Variants in SLC30A7 observed in about 807,000 individuals in gnomAD.
The protein encoded by SLC30A7 is solute carrier family 30 member 7.
Under a neutral mutation model 46.0 loss-of-function variants are expected in SLC30A7, and 35 were observed. The ratio of observed to expected loss-of-function variants is 0.76; its 90% CI spans 0.58 to 1.01. The LOEUF is 1.01. Among genes scored for constraint, SLC30A7 ranks in the 50% least tolerant of loss-of-function variants. The probability of loss-of-function intolerance (pLI) is 0.00; values close to 1 mark genes in which losing one functional copy is unlikely to be tolerated. For missense variants in SLC30A7, 464 were observed against 451.1 expected (o/e 1.03, Z -0.26); for synonymous variants, 147 against 157.8 (o/e 0.93, Z 0.51).
At chr1:100,896,494 T>C in intron 1 of SLC30A7, 76 bp from the exon 2 acceptor site, 1 of 1,467,942 alleles carries the variant, frequency 6.8e-7, no homozygotes. Context: ...GGGAGGGTCT[T>C]GAAGAGGGTA....
At chr1:100,956,041 A>G (rs540121453) in intron 8 of SLC30A7, among the ~76,000 whole-genome samples, 30 of 152,178 alleles carry the variant, frequency 2.0e-4, no homozygotes, top group Non-Finnish European at 3.2e-4. Flanking sequence ...TAAAAAGACA[A>G]CCATTCCAAA....
downstream of SLC30A7, among the ~76,000 whole-genome samples, chr1:100,983,891 C>A (rs781644525): frequency 6.6e-6 from 1 of 152,156 alleles, no homozygotes; most frequent in Non-Finnish European, 1.5e-5. Flanking sequence ...TCTGATTAGC[C>A]GTCGCTGTCT....
chr1:100,913,981 A>G (rs901405124), intron 6 of SLC30A7, among the ~76,000 whole-genome samples, 175 bp downstream of exon 6: 3 of 152,250 alleles, frequency 2.0e-5, no homozygotes, highest in African/African-American at 7.2e-5. Context: ...AAATTAACTC[A>G]GTATAAGGCA....
At chr1:100,951,150 AG>A (rs1558000864) in intron 8 of SLC30A7, among the ~76,000 whole-genome samples, 1 of 152,186 alleles carries the variant, frequency 6.6e-6, no homozygotes, top group Non-Finnish European at 1.5e-5. Flanking sequence ...ATGCAAAGCA[AG>A]CTTTGGGGTT....
At chr1:100,912,995 A>G (rs1407962425) in intron 5 of SLC30A7, among the ~76,000 whole-genome samples, 1 of 151,988 alleles carries the variant, frequency 6.6e-6, no homozygotes, top group African/African-American at 2.4e-5. Flanking sequence ...TGGTATTTAG[A>G]ATTTTTGTAA....
chr1:100,910,206 C>A (rs1651996102), intron 3 of SLC30A7, among the ~76,000 whole-genome samples: 1 of 151,970 alleles, frequency 6.6e-6, no homozygotes, highest in African/African-American at 2.4e-5. Context: ...AGTTTTGATG[C>A]TCTCATTATA....
chr1:100,950,372 T>G (rs1304411713), intron 8 of SLC30A7, among the ~76,000 whole-genome samples: 1 of 152,230 alleles, frequency 6.6e-6, no homozygotes, highest in African/African-American at 2.4e-5. Flanking sequence ...TTTTAGGTAA[T>G]CAGTTAAATA....
chr1:100,965,391 C>T (rs79211588), intron 9 of SLC30A7, among the ~76,000 whole-genome samples: 3,607 of 152,204 alleles, frequency 0.024, 135 homozygotes, highest in African/African-American at 0.079. Flanking sequence ...ATGTTTCATC[C>T]GTATTTTCTG....
intron 10 of SLC30A7, among the ~76,000 whole-genome samples, chr1:100,972,836 A>G (rs929105589): frequency 3.9e-5 from 6 of 152,060 alleles, no homozygotes; most frequent in Non-Finnish European, 5.9e-5. Context: ...ATATCTGTCA[A>G]ATATTGGATG....
intron 6 of SLC30A7, among the ~76,000 whole-genome samples, chr1:100,914,722 G>A (rs757131470): frequency 2.0e-5 from 3 of 152,096 alleles, no homozygotes; most frequent in Non-Finnish European, 4.4e-5. Context: ...GTATTATCTT[G>A]TATTTGCAAC....
chr1:100,983,276 TTAC>T (rs1268436476), downstream of SLC30A7, among the ~76,000 whole-genome samples: 1 of 151,622 alleles, frequency 6.6e-6, no homozygotes, highest in Non-Finnish European at 1.5e-5. Flanking sequence ...TGACAGCAAT[TTAC>T]TACTTTTTTT....
At chr1:100,918,263 T>C in intron 7 of SLC30A7, 136 bp downstream of exon 7, 2 of 628,676 alleles carry the variant, frequency 3.2e-6, no homozygotes, top group South Asian at 2.3e-5. Flanking sequence ...TTTCTAGTGA[T>C]TGTTTTTTAT....
intron 10 of SLC30A7, among the ~76,000 whole-genome samples, chr1:100,967,831 A>T (rs1183160132): frequency 1.3e-5 from 2 of 152,152 alleles, no homozygotes; most frequent in Admixed American, 1.3e-4. Flanking sequence ...TGGACTGGGG[A>T]AAAAAAGCAA....
At chr1:100,959,836 A>T (rs911668587) in intron 8 of SLC30A7, among the ~76,000 whole-genome samples, 30 of 152,208 alleles carry the variant, frequency 2.0e-4, no homozygotes, top group Non-Finnish European at 1.0e-4. Flanking sequence ...GCCATCACTG[A>T]AGCTGCCTGT....
chr1:100,941,414 A>G, intron 8 of SLC30A7: 2 of 410,160 alleles, frequency 4.9e-6, no homozygotes, highest in South Asian at 2.0e-5. Flanking sequence ...AGCACTAGGC[A>G]TCTCTTGATT....
intron 2 of SLC30A7, among the ~76,000 whole-genome samples, chr1:100,897,817 T>C (rs1651062035): frequency 6.6e-6 from 1 of 152,230 alleles, no homozygotes; most frequent in Non-Finnish European, 1.5e-5. Flanking sequence ...ATTGGCACAA[T>C]GAAATCTTAA....
intron 4 of SLC30A7, 75 bp downstream of exon 4, chr1:100,911,225 A>G (rs1652072684): frequency 9.7e-7 from 1 of 1,035,898 alleles, no homozygotes; most frequent in East Asian, 2.7e-5. Context: ...AGATATATGT[A>G]AGTTTTTTTC....
intron 3 of SLC30A7, among the ~76,000 whole-genome samples, chr1:100,909,980 T>TA (rs779413689): frequency 6.7e-6 from 1 of 150,306 alleles, no homozygotes; most frequent in Non-Finnish European, 1.5e-5. Flanking sequence ...GAAAAAAAAA[T>TA]ATGTTTTGAC....
At chr1:100,915,095 C>G (rs1228794063) in intron 6 of SLC30A7, among the ~76,000 whole-genome samples, 1 of 100,072 alleles carries the variant, frequency 1.0e-5, no homozygotes, top group African/African-American at 4.0e-5. Flanking sequence ...AAAGTTTCCT[C>G]CTACTCTCAA....
Sources: gnomAD v4.1 joint callset for allele counts (sites outside exome capture counted in the v4.1 genomes callset) on GRCh38, gnomAD v4.1.1 for gene constraint, MANE v1.5 for transcripts, NCBI Gene and HGNC (gene_info 2026-07-23, HGNC 2026-07-21) for gene names.